USP32: variants seen among roughly 807,000 people sequenced by gnomAD.
USP32 encodes the protein ubiquitin specific peptidase 32, also known as ubiquitin carboxyl-terminal hydrolase 32.
Under a neutral mutation model 204.8 loss-of-function variants are expected in USP32, and 59 were observed. That is an observed-to-expected ratio of 0.29 (90% CI 0.23 to 0.36). The LOEUF (loss-of-function observed/expected upper bound fraction) is 0.36, where lower values mean the gene tolerates loss of function less well. Ranked by LOEUF, USP32 falls within the 10% of genes least tolerant of loss-of-function variation. USP32 has a pLI of 1.00. For synonymous variants in USP32, 517 were observed against 678.4 expected, an observed-to-expected ratio of 0.76 and a Z score of 3.70; for missense variants, 1,160 against 1,946.4, an observed-to-expected ratio of 0.60 and a Z score of 7.60.
chr17:60,267,966 G>A (rs2086636978), intron 7 of USP32, among the ~76,000 whole-genome samples: 1 of 151,820 alleles, frequency 6.6e-6, no homozygotes, highest in South Asian at 2.1e-4. Flanking sequence ...GCCTGCCACT[G>A]CACCCAGTTA....
At chr17:60,370,574 A>C (rs1454601169) in intron 1 of USP32, among the ~76,000 whole-genome samples, 2 of 152,024 alleles carry the variant, frequency 1.3e-5, no homozygotes, top group African/African-American at 4.8e-5. Flanking sequence ...CAGCATGGGC[A>C]ACATGGCAAA....
At chr17:60,183,837 C>T (rs550738548) in intron 30 of USP32, among the ~76,000 whole-genome samples, 83 of 152,360 alleles carry the variant, frequency 5.4e-4, no homozygotes, top group Non-Finnish European at 1.1e-3. Flanking sequence ...GCAGTTCTCA[C>T]ATCACACTGA....
In USP32 at chr17:60,288,646, G is replaced by C; in HGVS notation, c.448C>G (p.Leu150Val). 2 of 1,611,284 alleles carry C rather than the reference G, an allele frequency of 1.2e-6. No homozygotes were observed. Among genetic ancestry groups the C allele is most frequent in the Non-Finnish European group, 1.7e-6 (2 of 1,178,918 alleles). ...GTAAAAGCATCTTTGTTTAGAAAAA[G>C]CCAATTTCTAAACTTTTCATAGTTT... ...KVNYEKFRNWLFLNKDAFTFS... is the reference protein window; with the variant it reads ...KVNYEKFRNWVFLNKDAFTFS... The change falls in exon 5 of 34, where the codon CTT becomes GTT. Residue 150 changes from leucine to valine, a missense_variant. Leu to Val is a conservative substitution (Grantham distance 32). This residue lies in a region of USP32 where 536 missense variants were observed against 680.9 expected (regional missense o/e 0.79). Transcript: ENST00000300896.
intron 4 of USP32, 128 bp from the exon 5 acceptor site, chr17:60,288,810 A>G (rs2087190166): frequency 1.4e-6 from 1 of 726,392 alleles, no homozygotes; most frequent in Non-Finnish European, 2.2e-6. Context: ...AGGATTATCT[A>G]ATAACACTGC....
chr17:60,254,601 C>A (rs7208503), intron 10 of USP32, among the ~76,000 whole-genome samples: 10,220 of 152,058 alleles, frequency 0.067, 1,211 homozygotes, highest in African/African-American at 0.23. Flanking sequence ...TGGGAGGCTG[C>A]GGAAGGAGAA....
In USP32 at chr17:60,414,776, A is replaced by G. The variant is rs142256076; in HGVS notation, c.106+7470T>C. 5.2e-3 allele frequency among the ~76,000 whole-genome samples: 794 copies of G among 151,878 alleles called. 7 individuals are homozygous for G. Among genetic ancestry groups the G allele is most frequent in the South Asian group, 9.2e-3 (44 of 4,794 alleles). On this transcript the variant is annotated intron_variant, in intron 1 of 3. Transcript: ENST00000588898. ...TGCCTTCTTGTTCATCAAGTTGCTCATTTACTTCTCCAGGCTAGCTAGGTG... is the reference window on the plus strand; with the variant it reads ...TGCCTTCTTGTTCATCAAGTTGCTCGTTTACTTCTCCAGGCTAGCTAGGTG...
At chr17:60,361,416 T>C (rs989734981) in intron 1 of USP32, among the ~76,000 whole-genome samples, 1 of 152,240 alleles carries the variant, frequency 6.6e-6, no homozygotes, top group African/African-American at 2.4e-5. Context: ...TTTTTCATTA[T>C]ATAACATTAG....
chr17:60,388,500 C>T (rs1228915075), intron 1 of USP32, among the ~76,000 whole-genome samples: 2 of 152,052 alleles, frequency 1.3e-5, no homozygotes, highest in African/African-American at 4.8e-5. Context: ...GCATTTAAAA[C>T]ACGTTTTTAA....
intron 9 of USP32, among the ~76,000 whole-genome samples, chr17:60,257,520 C>T (rs1441602629): frequency 6.6e-6 from 1 of 152,148 alleles, no homozygotes; most frequent in Non-Finnish European, 1.5e-5. Flanking sequence ...CACAGGGTCT[C>T]ACTCTATCAC....
At chr17:60,291,537 A>ATGTGTGTG (rs58874239) in intron 4 of USP32, among the ~76,000 whole-genome samples, 1,527 of 145,328 alleles carry the variant, frequency 0.011, 20 homozygotes, top group African/African-American at 0.035. Flanking sequence ...CTGTGTGTGT[A>ATGTGTGTG]TGTGTGTGTG....
intron 11 of USP32, among the ~76,000 whole-genome samples, chr17:60,246,620 C>A (rs896814445): frequency 6.6e-6 from 1 of 152,152 alleles, no homozygotes; most frequent in Non-Finnish European, 1.5e-5. Flanking sequence ...CACCTCCATA[C>A]TGTTTTCCAT....
chr17:60,392,308 G>A (rs1567893886), upstream of USP32: 8 of 343,790 alleles, frequency 2.3e-5, no homozygotes, highest in Non-Finnish European at 4.3e-5. Context: ...GGCCGCCCAG[G>A]GCCGCACGCT....
chr17:60,214,918 A>C, intron 16 of USP32, 144 bp from the exon 17 acceptor site: 1 of 1,489,492 alleles, frequency 6.7e-7, no homozygotes, highest in South Asian at 1.4e-5. Context: ...GAAGAGTACC[A>C]AAACGCTTTA....
intron 1 of USP32, among the ~76,000 whole-genome samples, chr17:60,412,999 CAA>C (rs1057210397): frequency 1.3e-5 from 2 of 151,700 alleles, no homozygotes; most frequent in African/African-American, 4.8e-5. Context: ...GATACCCTGA[CAA>C]GATATTTTTA....
intron 13 of USP32, 87 bp downstream of exon 13, chr17:60,225,952 C>CAAAAAAA (rs11309727): frequency 3.9e-6 from 4 of 1,013,620 alleles, no homozygotes; most frequent in African/African-American, 2.0e-5. Context: ...AACTCAGTCT[C>CAAAAAAA]AAAAAAAAAA....
rs1312742682 is a variant in USP32 at position 60,346,410 on chromosome 17, T to G, written c.59-802A>C. ...AGCAATACATTAATCTCCTTTGTGA[T>G]AAAAATTATATTATTTGTACTCCTT... On this transcript the variant is annotated intron_variant, in intron 1 of 33. Coordinates refer to ENST00000300896, the MANE Select transcript of USP32 (RefSeq NM_032582.4). Among the ~76,000 whole-genome samples the G allele has an allele frequency of 2.0e-5, 3 of 152,224 alleles. No individual in the cohort carries two copies. The South Asian group carries it at 6.2e-4, about 32-fold the overall frequency.
chr17:60,214,764 A>G lies in USP32; in HGVS notation c.1878T>C (p.Pro626=). 6.2e-7 allele frequency: 1 copy of G among 1,613,996 alleles called. No homozygotes were observed. Reference sequence around the variant, plus strand: ...CCCGCTTTAAAGGTGCATTCGGAGAAGGTACATTTCCTATGGTTACAGTAA... The same window carrying G: ...CCCGCTTTAAAGGTGCATTCGGAGAGGGTACATTTCCTATGGTTACAGTAA... ...SNIWVNMGNV[P]SPNAPLKRVL... is the part of the protein sequence containing the mutation. Residue 626 remains proline (P), a synonymous_variant, in exon 17 of 34, where the codon CCT becomes CCC. Coordinates refer to ENST00000300896, the MANE Select transcript of USP32 (RefSeq NM_032582.4).
intron 15 of USP32, among the ~76,000 whole-genome samples, chr17:60,221,693 A>T (rs956211638): frequency 2.0e-5 from 3 of 151,998 alleles, no homozygotes; most frequent in Non-Finnish European, 4.4e-5. Flanking sequence ...TTTATTAGAC[A>T]CGGGGTTTCA....
intron 1 of USP32, among the ~76,000 whole-genome samples, chr17:60,402,556 T>C (rs983484544): frequency 6.6e-6 from 1 of 152,140 alleles, no homozygotes; most frequent in African/African-American, 2.4e-5. Context: ...TCCTTATTGA[T>C]CAGTTATTCT....
Sources: gnomAD v4.1 joint callset for allele counts (sites outside exome capture counted in the v4.1 genomes callset) on GRCh38, gnomAD v4.1.1 for gene constraint, gnomAD v4.1.1 regional missense constraint, MANE v1.5 for transcripts, NCBI Gene and HGNC (gene_info 2026-07-23, HGNC 2026-07-21) for gene names.